Variants in SLC44A5 observed in about 807,000 individuals in gnomAD.
The protein encoded by SLC44A5 is solute carrier family 44 member 5, also known as choline transporter-like protein 5.
A neutral mutation model predicts 101.8 loss-of-function variants in SLC44A5; 57 were observed. That is an observed-to-expected ratio of 0.56 (90% CI 0.45 to 0.70). The LOEUF (loss-of-function observed/expected upper bound fraction) is 0.70. Ranked by LOEUF, SLC44A5 falls within the 30% of genes least tolerant of loss-of-function variation. The probability of loss-of-function intolerance (pLI) is 0.00; values close to 1 mark genes in which losing one functional copy is unlikely to be tolerated. For synonymous variants in SLC44A5, 281 were observed against 290.9 expected (o/e 0.97, Z 0.35); for missense variants, 737 against 853.1 (o/e 0.86, Z 1.70).
intron 3 of SLC44A5, among the ~76,000 whole-genome samples, chr1:75,376,962 C>T (rs1251653677): frequency 6.6e-6 from 1 of 151,996 alleles, no homozygotes; most frequent in African/African-American, 2.4e-5. Flanking sequence ...CTAGAATAAC[C>T]AATACAGAGA....
intron 1 of SLC44A5, among the ~76,000 whole-genome samples, chr1:75,579,692 T>C (rs963106049): frequency 6.6e-5 from 10 of 152,110 alleles, no homozygotes; most frequent in African/African-American, 2.4e-4. Context: ...GTTTTTGAAT[T>C]GATAATGAAA....
chr1:75,289,548 A>G (rs563886699), intron 5 of SLC44A5, among the ~76,000 whole-genome samples: 32 of 152,324 alleles, frequency 2.1e-4, no homozygotes, highest in African/African-American at 7.5e-4. Context: ...GAAGGTCATA[A>G]AGCTCAAGAA....
chr1:75,317,007 T>C (rs928375524), intron 4 of SLC44A5, among the ~76,000 whole-genome samples: 5 of 152,214 alleles, frequency 3.3e-5, no homozygotes, highest in Non-Finnish European at 7.3e-5. Context: ...TTGATAACAT[T>C]TGAACCAAAA....
chr1:75,263,954 G>A (rs927937098), intron 6 of SLC44A5, among the ~76,000 whole-genome samples: 8 of 151,942 alleles, frequency 5.3e-5, no homozygotes, highest in African/African-American at 1.9e-4. Flanking sequence ...CACAGGGAGG[G>A]GAACATCACA....
At chr1:75,685,457 T>C in the SLC44A5 span, among the ~76,000 whole-genome samples, 16 of 152,170 alleles carry the variant, frequency 1.1e-4, no homozygotes, top group Non-Finnish European at 2.9e-5. Flanking sequence ...AATATAAGTT[T>C]CAATTCCAAA....
At chr1:75,238,402 ATATATATATATG>A (rs1283636503) in intron 10 of SLC44A5, 99 bp downstream of exon 10, 4 of 198,950 alleles carry the variant, frequency 2.0e-5, no homozygotes, top group Non-Finnish European at 3.7e-5. Context: ...ATATATATAT[ATATATATATATG>A]TGATTATTTT....
chr1:75,231,519 T>G (rs893442089), intron 12 of SLC44A5, among the ~76,000 whole-genome samples: 1 of 152,168 alleles, frequency 6.6e-6, no homozygotes, highest in African/African-American at 2.4e-5. Flanking sequence ...TTGTCCTAGA[T>G]TTTTAAAAAT....
At chr1:75,407,232 A>G (rs188382377) in intron 2 of SLC44A5, among the ~76,000 whole-genome samples, 10 of 152,314 alleles carry the variant, frequency 6.6e-5, no homozygotes, top group African/African-American at 2.4e-4. Flanking sequence ...ATGGAAGAAC[A>G]TTCCATGCTC....
chr1:75,461,545 C>T (rs950092446), intron 2 of SLC44A5, among the ~76,000 whole-genome samples: 3 of 152,152 alleles, frequency 2.0e-5, no homozygotes, highest in East Asian at 1.9e-4. Flanking sequence ...TTGCTAGCCA[C>T]GGTGACTAAA....
At chr1:75,432,700 C>T (rs532946833) in intron 2 of SLC44A5, among the ~76,000 whole-genome samples, 1 of 152,048 alleles carries the variant, frequency 6.6e-6, no homozygotes, top group South Asian at 2.1e-4. Flanking sequence ...TAGGTGGAGT[C>T]TTAGTACTGT....
the SLC44A5 span, among the ~76,000 whole-genome samples, chr1:75,688,185 G>A: frequency 6.6e-6 from 1 of 152,194 alleles, no homozygotes; most frequent in African/African-American, 2.4e-5. Flanking sequence ...GTAGGCTAAA[G>A]TCTCATACTA....
the SLC44A5 span, among the ~76,000 whole-genome samples, chr1:75,618,010 C>T: frequency 1.3e-5 from 2 of 152,170 alleles, no homozygotes; most frequent in Admixed American, 6.5e-5. Flanking sequence ...AAATGGGATT[C>T]GTGGAGGTAT....
chr1:75,652,818 A>C, the SLC44A5 span, among the ~76,000 whole-genome samples: 38,515 of 152,044 alleles, frequency 0.25, 5,272 homozygotes, highest in Middle Eastern at 0.37. Context: ...AAACAAAAAA[A>C]CAGTCCCACA....
intron 2 of SLC44A5, among the ~76,000 whole-genome samples, chr1:75,450,914 T>C (rs1294029535): frequency 6.6e-6 from 1 of 152,168 alleles, no homozygotes; most frequent in Admixed American, 6.5e-5. Context: ...CCACCCCACC[T>C]TTCCTGACTT....
At chr1:75,637,050 G>C in the SLC44A5 span, among the ~76,000 whole-genome samples, 6 of 152,076 alleles carry the variant, frequency 3.9e-5, no homozygotes, top group African/African-American at 1.4e-4. Context: ...AAGAGTTCTC[G>C]AAATATGGCT....
chr1:75,425,160 T>C (rs1664236337), intron 2 of SLC44A5, among the ~76,000 whole-genome samples: 1 of 152,158 alleles, frequency 6.6e-6, no homozygotes, highest in African/African-American at 2.4e-5. Flanking sequence ...AGGTAGAAGG[T>C]GAAACAAGAG....
chr1:75,440,386 T>C (rs981216157), intron 2 of SLC44A5, among the ~76,000 whole-genome samples: 2 of 152,034 alleles, frequency 1.3e-5, no homozygotes, highest in African/African-American at 4.8e-5. Flanking sequence ...TCAAAGGCCA[T>C]GTGGTAGCTC....
At chr1:75,316,316 T>C (rs772109129) in intron 4 of SLC44A5, among the ~76,000 whole-genome samples, 6 of 152,250 alleles carry the variant, frequency 3.9e-5, no homozygotes, top group Non-Finnish European at 7.3e-5. Flanking sequence ...GCTCAACTAA[T>C]AATGGCTATC....
chr1:75,233,318 TTAAA>T (rs1440923683), intron 12 of SLC44A5, among the ~76,000 whole-genome samples: 2 of 152,160 alleles, frequency 1.3e-5, no homozygotes, highest in Non-Finnish European at 2.9e-5. Flanking sequence ...ATTGTATCCA[TTAAA>T]TAATTTTTCA....
Sources: allele counts gnomAD v4.1 joint callset (sites outside exome capture counted in the v4.1 genomes callset), GRCh38; gene constraint gnomAD v4.1.1; transcripts MANE v1.5; gene names NCBI Gene and HGNC (gene_info 2026-07-23, HGNC 2026-07-21).